Variants in EML1 observed in about 807,000 individuals in gnomAD.
EML1 encodes echinoderm microtubule-associated protein-like 1.
A neutral mutation model predicts 110.4 loss-of-function variants in EML1; 27 were observed. That is an observed-to-expected ratio of 0.24 (90% CI 0.18 to 0.34). EML1 has a LOEUF of 0.34. EML1 is among the 10% of genes least tolerant of loss of function. The probability of loss-of-function intolerance (pLI) is 1.00; values close to 1 mark genes in which losing one functional copy is unlikely to be tolerated. For missense variants in EML1, 741 were observed against 1,030.9 expected (o/e 0.72, Z 3.85); for synonymous variants, 344 against 385.8 (o/e 0.89, Z 1.27).
intron 2 of EML1, among the ~76,000 whole-genome samples, chr14:99,861,574 C>T (rs11623482): frequency 0.26 from 40,239 of 152,006 alleles, 5,816 homozygotes; most frequent in Non-Finnish European, 0.32. Flanking sequence ...CTCTGCCTCC[C>T]GGGTTCAAGC....
rs1303770445 is a variant in EML1 at position 99,919,418 on chromosome 14, GCACACAGA to G, written c.1821-1364_1821-1357del. ...TATAGCCACACACACACATACGCAT[GCACACAGA>G]CACACACACACACACACACACACAC... On this transcript the variant is annotated intron_variant, in intron 16 of 21. Transcript: ENST00000262233. 7.5e-3 allele frequency among the ~76,000 whole-genome samples: 712 copies of G among 95,226 alleles called. 3 individuals carry two copies. The highest frequency in any genetic ancestry group is 0.025 in the African/African-American group (623 of 24,994). The allele number at this position is 95,226 out of a possible 152,430, so 62.5% of individuals were successfully genotyped here.
chr14:99,911,025 T>G (rs1165767645), intron 12 of EML1, among the ~76,000 whole-genome samples: 2 of 152,182 alleles, frequency 1.3e-5, no homozygotes, highest in Non-Finnish European at 2.9e-5. Flanking sequence ...CTAGGTGTCT[T>G]ATTCACTGCT....
intron 4 of EML1, among the ~76,000 whole-genome samples, chr14:99,879,921 A>T (rs1008366064): frequency 6.6e-6 from 1 of 152,206 alleles, no homozygotes; most frequent in African/African-American, 2.4e-5. Flanking sequence ...TCTGATTTTT[A>T]TTAAGAATTT....
intron 1 of EML1, among the ~76,000 whole-genome samples, chr14:99,844,312 C>T (rs1319782318): frequency 6.6e-6 from 1 of 152,112 alleles, no homozygotes; most frequent in African/African-American, 2.4e-5. Context: ...AACCCCGTCT[C>T]TACTGAAAAT....
intron 1 of EML1, among the ~76,000 whole-genome samples, chr14:99,826,905 G>C (rs1208689115): frequency 6.6e-6 from 1 of 152,146 alleles, no homozygotes; most frequent in Admixed American, 6.5e-5. Flanking sequence ...TCTTGACTAG[G>C]GACAGAGCAG....
chr14:99,778,832 T>G (rs1439080927), intron 1 of EML1, among the ~76,000 whole-genome samples: 1 of 152,246 alleles, frequency 6.6e-6, no homozygotes, highest in Non-Finnish European at 1.5e-5. Context: ...ATCATTACTG[T>G]TTAGAAATCC....
At chr14:99,890,712 G>A (rs1191101) in intron 4 of EML1, among the ~76,000 whole-genome samples, 2 of 152,140 alleles carry the variant, frequency 1.3e-5, no homozygotes, top group East Asian at 3.9e-4. Context: ...GGTGTTCCCC[G>A]CTTCTCTTTC....
intron 3 of EML1, among the ~76,000 whole-genome samples, chr14:99,877,310 A>G (rs1459306519): frequency 2.0e-5 from 3 of 151,954 alleles, no homozygotes; most frequent in Admixed American, 2.0e-4. Flanking sequence ...ACACCATCAC[A>G]TTGAGGGTTA....
chr14:99,929,996 T>C (rs1020949676), intron 17 of EML1, among the ~76,000 whole-genome samples: 19 of 152,020 alleles, frequency 1.2e-4, no homozygotes, highest in African/African-American at 4.4e-4. Flanking sequence ...CTTCCCAGGA[T>C]GTGGGAAGGA....
At chr14:99,814,970 C>T (rs1270998423) in intron 1 of EML1, among the ~76,000 whole-genome samples, 2 of 152,166 alleles carry the variant, frequency 1.3e-5, no homozygotes, top group African/African-American at 4.8e-5. Context: ...AATGGAATTA[C>T]TCAGGGTCAC....
chr14:99,877,534 CA>C (rs2059312835), intron 3 of EML1, among the ~76,000 whole-genome samples: 1 of 152,182 alleles, frequency 6.6e-6, no homozygotes, highest in Non-Finnish European at 1.5e-5. Flanking sequence ...CGGAATTTCG[CA>C]GTCTTTGGGA....
rs566994499 is a variant in EML1 at position 99,905,493 on chromosome 14, C to T, written c.1009-2145C>T. Reference sequence around the variant, plus strand: ...CTCAGGGAGGCCAGAGAAAGACCTGCCCACTGCAGTGACACTGAAAAGTTC... The same window carrying T: ...CTCAGGGAGGCCAGAGAAAGACCTGTCCACTGCAGTGACACTGAAAAGTTC... On this transcript the variant is annotated intron_variant, in intron 9 of 21. Coordinates refer to ENST00000262233, the MANE Select transcript of EML1 (RefSeq NM_004434.3). The surrounding 1 kb of genome is among the most constrained non-coding windows in gnomAD (Gnocchi z 4.1). Among the ~76,000 whole-genome samples the T allele has an allele frequency of 2.6e-5, 4 of 152,300 alleles. No individual in the cohort carries two copies. The highest frequency in any genetic ancestry group is 4.2e-4 in the South Asian group (2 of 4,816).
upstream of EML1, among the ~76,000 whole-genome samples, chr14:99,789,596 T>C (rs973766776): frequency 1.8e-4 from 27 of 152,242 alleles, no homozygotes; most frequent in African/African-American, 6.5e-4. Context: ...TTCTATGTGC[T>C]ACATTCCCAG....
upstream of EML1, chr14:99,793,368 A>C: frequency 1.0e-6 from 1 of 990,410 alleles, no homozygotes; most frequent in Non-Finnish European, 1.2e-6. Context: ...CCGCCACAGC[A>C]GGGCCGGCCC....
intron 1 of EML1, among the ~76,000 whole-genome samples, chr14:99,837,884 C>G (rs1022606496): frequency 1.3e-5 from 2 of 152,186 alleles, no homozygotes; most frequent in African/African-American, 4.8e-5. Flanking sequence ...ACTGCAGCCT[C>G]AACCTTCCCA....
chr14:99,847,715 G>A (rs991510958), intron 1 of EML1, among the ~76,000 whole-genome samples: 2 of 152,094 alleles, frequency 1.3e-5, no homozygotes, highest in Non-Finnish European at 2.9e-5. Context: ...TATGATTGCA[G>A]TGTTTTTCTG....
intron 1 of EML1, among the ~76,000 whole-genome samples, chr14:99,785,878 C>T (rs1399582643): frequency 1.3e-5 from 2 of 152,088 alleles, no homozygotes; most frequent in Non-Finnish European, 2.9e-5. Context: ...CTGAGAAACA[C>T]ATCAATAGAG....
At chr14:99,875,122 A>G (rs930566044) in intron 3 of EML1, 2 of 738,608 alleles carry the variant, frequency 2.7e-6, no homozygotes, top group African/African-American at 1.8e-5. Flanking sequence ...AACTATATTA[A>G]TCATTGACAT....
rs1158599562 is a variant in EML1 at position 99,939,509 on chromosome 14, A to G, written c.2322+182A>G. On this transcript the variant is annotated intron_variant, in intron 21 of 21. Transcript: ENST00000262233. This position sits in a 1 kb window ranked among gnomAD's most constrained non-coding sequence, Gnocchi z 4.2. Reference sequence around the variant, plus strand: ...CCCTTAGGGAAACCCCAAGCCCCACAGGACCCACAAAGCCGTTCAGAGCTG... The same window carrying G: ...CCCTTAGGGAAACCCCAAGCCCCACGGGACCCACAAAGCCGTTCAGAGCTG... Among the ~76,000 whole-genome samples, 2 of 152,156 alleles carry G rather than the reference A, an allele frequency of 1.3e-5. No individual in the cohort carries two copies. The highest frequency in any genetic ancestry group is 1.9e-4 in the East Asian group (1 of 5,186).
Sources: gnomAD v4.1 joint callset for allele counts (sites outside exome capture counted in the v4.1 genomes callset) on GRCh38, gnomAD v4.1.1 for gene constraint, Gnocchi (gnomAD v3.1) non-coding constraint, MANE v1.5 for transcripts, NCBI Gene and HGNC (gene_info 2026-07-23, HGNC 2026-07-21) for gene names.